The following TAMM41 variants were observed in gnomAD, a reference collection of about 807,000 sequenced individuals.
TAMM41 encodes the protein TAM41 mitochondrial translocator assembly and maintenance homolog.
In TAMM41, 36 loss-of-function variants were observed where a neutral mutation model predicts 44.1. The observed-to-expected ratio is 0.82, with a 90% CI of 0.63 to 1.08. TAMM41 has a LOEUF of 1.08. Ranked by LOEUF, TAMM41 falls within the 50% of genes least tolerant of loss-of-function variation. The pLI is 0.00. For synonymous variants in TAMM41, 164 were observed against 153.1 expected, an observed-to-expected ratio of 1.07 and a Z score of -0.53; for missense variants, 417 against 404.3, an observed-to-expected ratio of 1.03 and a Z score of -0.27.
intron 7 of TAMM41, among the ~76,000 whole-genome samples, chr3:11,806,219 A>T (rs954653919): frequency 1.2e-4 from 19 of 152,202 alleles, no homozygotes; most frequent in Admixed American, 1.2e-3. Flanking sequence ...TCACTTTTGT[A>T]TCCCGAGCAG....
At chr3:11,763,021 A>T in the TAMM41 span, among the ~76,000 whole-genome samples, 1 of 152,254 alleles carries the variant, frequency 6.6e-6, no homozygotes, top group Non-Finnish European at 1.5e-5. Context: ...CGGGGCAACA[A>T]GAGTGAAACT....
the TAMM41 span, among the ~76,000 whole-genome samples, chr3:11,748,593 G>A: frequency 1.3e-5 from 2 of 152,010 alleles, no homozygotes; most frequent in Non-Finnish European, 2.9e-5. Flanking sequence ...TGCCCAGGCT[G>A]GTCTCAAACT....
chr3:11,829,879 A>C lies in TAMM41; in HGVS notation c.412-15T>G, dbSNP rs772401911. On this transcript the variant is annotated splice_polypyrimidine_tract_variant and intron_variant, in intron 3 of 7. Transcript: ENST00000455809. ...ATAATTTTCACCTGAAAGAAGCAGAACATTGGGAAGAAAAATTCCAGAAGT... is the reference window on the plus strand; with the variant it reads ...ATAATTTTCACCTGAAAGAAGCAGACCATTGGGAAGAAAAATTCCAGAAGT... 3.9e-5 allele frequency: 63 copies of C among 1,613,016 alleles called. No homozygotes were observed. The highest frequency in any genetic ancestry group is 3.3e-4 in the Middle Eastern group (2 of 6,084).
chr3:11,803,367 G>A (rs1487192340), intron 7 of TAMM41, among the ~76,000 whole-genome samples: 2 of 152,070 alleles, frequency 1.3e-5, no homozygotes, highest in African/African-American at 4.8e-5. Context: ...CTGAGCAACA[G>A]AGTGAGGCAG....
the TAMM41 span, among the ~76,000 whole-genome samples, chr3:11,738,411 T>C: frequency 6.6e-6 from 1 of 152,196 alleles, no homozygotes. Context: ...TTAAACAAGA[T>C]GATGTGTGTA....
chr3:11,781,305 G>T, the TAMM41 span, among the ~76,000 whole-genome samples: 1 of 152,134 alleles, frequency 6.6e-6, no homozygotes, highest in Non-Finnish European at 1.5e-5. Flanking sequence ...TGTAGTGTTT[G>T]GAAAGAATGA....
the TAMM41 span, among the ~76,000 whole-genome samples, chr3:11,761,963 A>G: frequency 0.012 from 1,811 of 149,908 alleles, 31 homozygotes; most frequent in African/African-American, 0.041. Flanking sequence ...AAAAAAAAAA[A>G]AAAGAAAGAA....
chr3:11,818,759 G>A (rs906759482), intron 4 of TAMM41, among the ~76,000 whole-genome samples: 1 of 151,896 alleles, frequency 6.6e-6, no homozygotes, highest in Non-Finnish European at 1.5e-5. Flanking sequence ...TTAGCCAGAC[G>A]TGGTGGCAGG....
the TAMM41 span, among the ~76,000 whole-genome samples, chr3:11,751,784 G>A: frequency 7.2e-5 from 11 of 152,268 alleles, no homozygotes; most frequent in African/African-American, 2.6e-4. Flanking sequence ...TACTTTAATG[G>A]TTCTTGACCC....
the TAMM41 span, among the ~76,000 whole-genome samples, chr3:11,775,014 C>A: frequency 1.3e-5 from 2 of 151,962 alleles, no homozygotes; most frequent in African/African-American, 2.4e-5. Context: ...GGATTACAGG[C>A]GGCTGCCACC....
downstream of TAMM41, among the ~76,000 whole-genome samples, chr3:11,786,286 T>TTAATTTTATTA (rs1553564665): frequency 1.8e-4 from 25 of 138,872 alleles, no homozygotes; most frequent in Non-Finnish European, 3.4e-4. Context: ...TTTATTTAAT[T>TTAATTTTATTA]TTATTATTAT....
chr3:11,778,225 G>GA, the TAMM41 span, among the ~76,000 whole-genome samples: 1 of 151,014 alleles, frequency 6.6e-6, no homozygotes, highest in Non-Finnish European at 1.5e-5. Context: ...AGAACTCTAT[G>GA]TTTTTTTTTC....
At chr3:11,756,678 C>T in the TAMM41 span, among the ~76,000 whole-genome samples, 6 of 151,980 alleles carry the variant, frequency 3.9e-5, no homozygotes, top group Admixed American at 1.3e-4. Context: ...CCAGCCTGAC[C>T]AACATGGAGA....
chr3:11,841,831 C>T (rs2079459651), intron 2 of TAMM41, among the ~76,000 whole-genome samples: 1 of 152,224 alleles, frequency 6.6e-6, no homozygotes, highest in African/African-American at 2.4e-5. Flanking sequence ...AGTCAGGGGA[C>T]CTGTTGCAAA....
chr3:11,801,862 A>G (rs1165915662), intron 7 of TAMM41, among the ~76,000 whole-genome samples: 1 of 152,196 alleles, frequency 6.6e-6, no homozygotes, highest in Non-Finnish European at 1.5e-5. Context: ...AAGAAAAGAA[A>G]TAACAAAGAT....
the TAMM41 span, among the ~76,000 whole-genome samples, chr3:11,740,042 A>C: frequency 6.6e-6 from 1 of 152,090 alleles, no homozygotes; most frequent in Non-Finnish European, 1.5e-5. Flanking sequence ...GCCTAAAATT[A>C]CTTTTTTGGA....
At chr3:11,746,301 CAAA>C in the TAMM41 span, among the ~76,000 whole-genome samples, 1,244 of 115,856 alleles carry the variant, frequency 0.011, 26 homozygotes, top group African/African-American at 0.037. Context: ...GAGACTCTCT[CAAA>C]AAAAAAAAAA....
At chr3:11,793,321 C>T (rs763314942) in intron 7 of TAMM41, among the ~76,000 whole-genome samples, 6 of 152,160 alleles carry the variant, frequency 3.9e-5, no homozygotes, top group Non-Finnish European at 8.8e-5. Flanking sequence ...TATGGTACCA[C>T]TAGTCACCCA....
chr3:11,806,201 CG>C (rs1215672866), intron 7 of TAMM41, among the ~76,000 whole-genome samples: 5 of 152,162 alleles, frequency 3.3e-5, no homozygotes, highest in African/African-American at 1.2e-4. Flanking sequence ...ACTAACGCAG[CG>C]TTGTGTTCAC....
Sources: gnomAD v4.1 joint callset for allele counts (sites outside exome capture counted in the v4.1 genomes callset) on GRCh38, gnomAD v4.1.1 for gene constraint, MANE v1.5 for transcripts, NCBI Gene and HGNC (gene_info 2026-07-23, HGNC 2026-07-21) for gene names.